PAFAH1B2: variants seen among roughly 807,000 people sequenced by gnomAD.
PAFAH1B2 encodes the protein platelet activating factor acetylhydrolase 1b catalytic subunit 2, also known as platelet-activating factor acetylhydrolase IB subunit alpha2.
PAFAH1B2 carries 8 observed loss-of-function variants against 28.0 expected under a neutral mutation model. That is an observed-to-expected ratio of 0.29 (90% CI 0.17 to 0.52). The LOEUF (loss-of-function observed/expected upper bound fraction) is 0.52. PAFAH1B2 is among the 20% of genes least tolerant of loss of function. The pLI is 0.97. For synonymous variants in PAFAH1B2, 104 were observed against 103.2 expected (o/e 1.01, Z -0.05); for missense variants, 190 against 282.6 (o/e 0.67, Z 2.35).
chr11:117,160,559 G>A (rs1956350903), intron 3 of PAFAH1B2, among the ~76,000 whole-genome samples: 1 of 152,176 alleles, frequency 6.6e-6, no homozygotes, highest in South Asian at 2.1e-4. Flanking sequence ...TCAGGCTCAA[G>A]AGATTCTCAT....
rs1298214006 is a variant in PAFAH1B2, at chr11:117,167,605, G to C, written c.596G>C (p.Gly199Ala). The C allele has an allele frequency of 6.2e-7, 1 of 1,612,498 alleles. No individual in the cohort carries two copies. Among genetic ancestry groups the C allele is most frequent in the African/African-American group, 1.3e-5 (1 of 74,910 alleles). Residue 199 changes from glycine to alanine, a missense_variant, in exon 6 of 6, where the codon GGA (glycine) becomes GCA (alanine). By Grantham distance (60) the Gly-to-Ala change is moderately conservative. Transcript: ENST00000527958. ...ATGTTTGATTTTCTGCATCTGACAG[G>C]AGGGGGCTATGCAAAGATCTGCAAA... ...HDMFDFLHLTGGGYAKICKPL... is the reference protein window; with the variant it reads ...HDMFDFLHLTAGGYAKICKPL...
rs1425967661 is a variant in PAFAH1B2 at position 117,168,223 on chromosome 11, T to C, written c.*524T>C. 31 of 1,058,290 alleles carry C rather than the reference T, an allele frequency of 2.9e-5. No homozygotes were observed. Among genetic ancestry groups the C allele is most frequent in the Non-Finnish European group, 3.4e-5 (30 of 874,110 alleles). 65.6% of individuals were successfully genotyped at this position (1,058,290 alleles called of 1,614,324 possible). A position where few individuals can be genotyped will look rare whatever the true frequency, so the allele number is the denominator to read the frequency against. On this transcript the variant is annotated 3_prime_UTR_variant, in exon 6 of 6. Coordinates refer to ENST00000527958, the MANE Select transcript of PAFAH1B2 (RefSeq NM_002572.4). ...GCATCAGGTTGAACATGCTTGTCAT[T>C]GATATATGGAAGATGCTATAGTTAG...
In PAFAH1B2 at chr11:117,144,298, T is replaced by A; in HGVS notation, c.-128T>A. The A allele has an allele frequency of 2.6e-6, 1 of 381,724 alleles. No homozygotes were observed. The highest frequency in any genetic ancestry group is 1.7e-5 in the South Asian group (1 of 58,010). 23.6% of individuals were successfully genotyped at this position (381,724 alleles called of 1,614,324 possible). Reference sequence around the variant, plus strand: ...GGGGAACCGGAAGTGGAGGAGCTGCTGCTGGTGCTGGGGCCGGAGGAGGGA... The same window carrying A: ...GGGGAACCGGAAGTGGAGGAGCTGCAGCTGGTGCTGGGGCCGGAGGAGGGA... On this transcript the variant is annotated 5_prime_UTR_variant, in exon 1 of 6. Coordinates refer to ENST00000527958, the MANE Select transcript of PAFAH1B2 (RefSeq NM_002572.4).
chr11:117,162,025 C>T (rs1219883367), intron 4 of PAFAH1B2, among the ~76,000 whole-genome samples: 2 of 152,132 alleles, frequency 1.3e-5, no homozygotes, highest in Admixed American at 6.6e-5. Flanking sequence ...AACAAATGAA[C>T]ATTTCTACCC....
intron 1 of PAFAH1B2, among the ~76,000 whole-genome samples, chr11:117,151,325 G>C (rs969719104): frequency 4.0e-5 from 6 of 151,152 alleles, no homozygotes; most frequent in Admixed American, 1.3e-4. Flanking sequence ...CGCCTCCCGG[G>C]TTCAAGTGAT....
intron 1 of PAFAH1B2, among the ~76,000 whole-genome samples, chr11:117,149,262 T>C (rs1956086856): frequency 6.6e-6 from 1 of 151,618 alleles, no homozygotes; most frequent in South Asian, 2.1e-4. Context: ...TTCAATTTTT[T>C]TGTAGAGACG....
At chr11:117,147,190 C>T (rs2134163163) in intron 1 of PAFAH1B2, among the ~76,000 whole-genome samples, 1 of 152,196 alleles carries the variant, frequency 6.6e-6, no homozygotes, top group Non-Finnish European at 1.5e-5. Context: ...ATTGCTTGAA[C>T]CCGAGAGGCG....
rs143532439 is a variant in PAFAH1B2, at chr11:117,164,279, C to A, written c.411+387C>A. On this transcript the variant is annotated intron_variant, in intron 5 of 5. Coordinates refer to ENST00000527958, the MANE Select transcript of PAFAH1B2 (RefSeq NM_002572.4). ...AAAATTAGCCGGGTGTGGTGGCAGGCGCCTGTAGTCCCAGCTACTCGGGAG... is the reference window on the plus strand; with the variant it reads ...AAAATTAGCCGGGTGTGGTGGCAGGAGCCTGTAGTCCCAGCTACTCGGGAG... Among the ~76,000 whole-genome samples, 16 of 152,092 alleles carry A rather than the reference C, an allele frequency of 1.1e-4. No homozygotes were observed. The South Asian group carries it at 2.5e-3, about 24-fold the overall frequency.
rs528321169 is a variant in PAFAH1B2 at position 117,170,601 on chromosome 11, C to T, written c.*2902C>T. 243 of 1,053,444 alleles carry T rather than the reference C, an allele frequency of 2.3e-4. 1 individual carries two copies. Among genetic ancestry groups the T allele is most frequent in the Non-Finnish European group, 2.7e-4 (238 of 874,596 alleles). The allele number at this position is 1,053,444 out of a possible 1,614,324, so 65.3% of individuals were successfully genotyped here. On this transcript the variant is annotated 3_prime_UTR_variant, in exon 6 of 6. Transcript: ENST00000527958. ...AAAACAAATCTTGAGTAGCTCATGC[C>T]CGGCTCTTAGGAATTTTGTCTGTTT...
intron 4 of PAFAH1B2, 70 bp from the exon 5 acceptor site, chr11:117,163,700 C>A (rs866523367): frequency 4.0e-5 from 54 of 1,351,922 alleles, no homozygotes; most frequent in South Asian, 9.1e-5. Flanking sequence ...AGATTTTCAT[C>A]TAAATGTTGG....
downstream of PAFAH1B2, chr11:117,171,608 C>A: frequency 2.1e-6 from 2 of 971,188 alleles, no homozygotes; most frequent in Non-Finnish European, 1.6e-6. Context: ...CATTTATCAC[C>A]CTTACGTCCC....
At chr11:117,150,278 G>T (rs1037497458) in intron 1 of PAFAH1B2, among the ~76,000 whole-genome samples, 7 of 152,064 alleles carry the variant, frequency 4.6e-5, no homozygotes, top group Non-Finnish European at 1.0e-4. Flanking sequence ...CTCCTGAGTA[G>T]CTGCAGCTTA....
chr11:117,173,710 A>G (rs1956721001), downstream of PAFAH1B2, among the ~76,000 whole-genome samples: 1 of 152,174 alleles, frequency 6.6e-6, no homozygotes, highest in South Asian at 2.1e-4. Flanking sequence ...CTTCCCCAGT[A>G]TGGCAGATTA....
In PAFAH1B2 at chr11:117,157,047, AAAAG is replaced by A. The variant is rs1431659181; in HGVS notation, c.82-2882_82-2879del. Among the ~76,000 whole-genome samples the A allele has an allele frequency of 3.0e-4, 45 of 151,732 alleles. 1 individual carries two copies. In the South Asian group the frequency reaches 7.5e-3, roughly 25 times the overall value. ...CTCAAAATCTCAAAAAAGAAAAAAA[AAAAG>A]AAAGGTAGTTGGTACTACAGTACCT... On this transcript the variant is annotated intron_variant, in intron 2 of 5. Coordinates refer to ENST00000527958, the MANE Select transcript of PAFAH1B2 (RefSeq NM_002572.4).
chr11:117,168,850 G>A lies in PAFAH1B2; in HGVS notation c.*1151G>A, dbSNP rs1956581510. On this transcript the variant is annotated 3_prime_UTR_variant, in exon 6 of 6. Transcript: ENST00000527958. ...CTGTTGCCCAGGCTGGGGTGCAATG[G>A]TGTGATCTTGGCTCACTGCAGCCTC... is the stretch of plus-strand genomic sequence containing the variant. 2 of 644,082 alleles carry A rather than the reference G, an allele frequency of 3.1e-6. No homozygotes were observed. The highest frequency in any genetic ancestry group is 4.0e-6 in the Non-Finnish European group (2 of 505,122). The allele number at this position is 644,082 out of a possible 1,614,324, so 39.9% of individuals were successfully genotyped here.
Position 117,160,004 on chromosome 11 carries a change from A to G in PAFAH1B2, c.152A>G (p.Gln51Arg). ...DVLFVGDSMV[Q>R]LMQQYEIWRE... ...CTGTTCGTGGGAGACTCCATGGTGC[A>G]GTTAATGCAGCAATATGAGGTAAAG... The change falls in exon 3 of 6, where the codon CAG (glutamine) becomes CGG (arginine). Residue 51 changes from glutamine to arginine, a missense_variant. Transcript: ENST00000527958. 6.2e-7 allele frequency: 1 copy of G among 1,613,024 alleles called. No homozygotes were observed. The highest frequency in any genetic ancestry group is 1.1e-5 in the South Asian group (1 of 91,070).
intron 2 of PAFAH1B2, among the ~76,000 whole-genome samples, chr11:117,157,112 A>T (rs1311541377): frequency 6.6e-6 from 1 of 151,880 alleles, no homozygotes; most frequent in African/African-American, 2.4e-5. Flanking sequence ...AAAAGCACCT[A>T]TTCACTAAAC....
chr11:117,172,609 T>C (rs377729925), downstream of PAFAH1B2, among the ~76,000 whole-genome samples: 148 of 152,166 alleles, frequency 9.7e-4, no homozygotes, highest in Middle Eastern at 0.017. Flanking sequence ...CTTTGAACTT[T>C]TCTGCCAAGA....
In PAFAH1B2 at chr11:117,168,521, C is replaced by T. The variant is rs181355369; in HGVS notation, c.*822C>T. On this transcript the variant is annotated 3_prime_UTR_variant, in exon 6 of 6. Coordinates refer to ENST00000527958, the MANE Select transcript of PAFAH1B2 (RefSeq NM_002572.4). ...TTAACACATTTTTGACCTAGGAGCC[C>T]TGTTGCTGGAAGTATAGTCTCCAGC... 5 of 1,018,110 alleles carry T rather than the reference C, an allele frequency of 4.9e-6. No individual in the cohort carries two copies. The African/African-American group carries it at 7.5e-5, about 15-fold the overall frequency. 63.1% of individuals were successfully genotyped at this position (1,018,110 alleles called of 1,614,324 possible).
Sources: gnomAD v4.1 joint callset for allele counts (sites outside exome capture counted in the v4.1 genomes callset) on GRCh38, gnomAD v4.1.1 for gene constraint, MANE v1.5 for transcripts, NCBI Gene and HGNC (gene_info 2026-07-23, HGNC 2026-07-21) for gene names.